The following VWF variants were observed in gnomAD, a reference collection of about 807,000 sequenced individuals.
VWF encodes von Willebrand factor.
A neutral mutation model predicts 308.6 loss-of-function variants in VWF; 176 were observed. The ratio of observed to expected loss-of-function variants is 0.57; its 90% CI spans 0.50 to 0.65. VWF has a LOEUF of 0.65. VWF is among the 30% of genes least tolerant of loss of function. The pLI, the probability that VWF is intolerant of heterozygous loss-of-function variation, is 0.00. For missense variants in VWF, 3,146 were observed against 3,648.2 expected, an observed-to-expected ratio of 0.86 and a Z score of 3.55; for synonymous variants, 1,385 against 1,443.4, an observed-to-expected ratio of 0.96 and a Z score of 0.92.
chr12:6,070,026 T>C (rs886994192), intron 10 of VWF, among the ~76,000 whole-genome samples: 4 of 152,250 alleles, frequency 2.6e-5, no homozygotes, highest in Admixed American at 6.5e-5. Context: ...CCTAATTCCA[T>C]CCACTGTGGC....
chr12:6,047,279 G>A (rs960999061), intron 16 of VWF, among the ~76,000 whole-genome samples: 2 of 152,072 alleles, frequency 1.3e-5, no homozygotes, highest in Non-Finnish European at 2.9e-5. Flanking sequence ...AGCTCGGACC[G>A]CTCCTTTGAA....
In VWF at chr12:6,046,877, C is replaced by T; in HGVS notation, c.2187-60G>A. 2 of 1,463,772 alleles carry T rather than the reference C, an allele frequency of 1.4e-6. No individual in the cohort carries two copies. The highest frequency in any genetic ancestry group is 2.3e-5 in the South Asian group (2 of 86,086). 90.7% of individuals were successfully genotyped at this position (1,463,772 alleles called of 1,614,324 possible). On this transcript the variant is annotated intron_variant, in intron 16 of 51. Coordinates refer to ENST00000261405, the MANE Select transcript of VWF (RefSeq NM_000552.5). The surrounding 1 kb of genome is among the most constrained non-coding windows in gnomAD (Gnocchi z 5.0). ...GACTCGTCTATACTCGCTGCCTCCACATCTTCACCTCCCACTCACTCTCTG... is the reference window on the plus strand; with the variant it reads ...GACTCGTCTATACTCGCTGCCTCCATATCTTCACCTCCCACTCACTCTCTG...
In VWF at chr12:6,063,042, A is replaced by G; in HGVS notation, c.1445T>C (p.Ile482Thr). The G allele has an allele frequency of 6.2e-7, 1 of 1,613,372 alleles. No individual in the cohort carries two copies. Among genetic ancestry groups the G allele is most frequent in the Non-Finnish European group, 8.5e-7 (1 of 1,179,978 alleles). ...QLPLLKGDLR[I>T]QHTVTASVRL... ...CACGGAGGCCGTCACTGTATGCTGGATGCGGAGGTCACCTGGAACCCAGCA... is the reference window on the plus strand; with the variant it reads ...CACGGAGGCCGTCACTGTATGCTGGGTGCGGAGGTCACCTGGAACCCAGCA... The change falls in exon 13 of 52, where the codon ATC becomes ACC. Residue 482 changes from isoleucine to threonine, a missense_variant. Coordinates refer to ENST00000261405, the MANE Select transcript of VWF (RefSeq NM_000552.5). This position sits in a 1 kb window ranked among gnomAD's most constrained non-coding sequence, Gnocchi z 4.9.
At position 5,994,536 on chromosome 12, in the gene VWF, G is replaced by A; in HGVS notation, c.6135C>T (p.Ala2045=). The A allele has an allele frequency of 6.2e-7, 1 of 1,614,018 alleles. No homozygotes were observed. Among genetic ancestry groups the A allele is most frequent in the East Asian group, 2.2e-5 (1 of 44,884 alleles). The change falls in exon 36 of 52, where the codon GCC becomes GCT. Residue 2045 remains alanine, a synonymous_variant. Transcript: ENST00000261405. ...GATTGAATCTGACCTCATGCATGAT[G>A]GCACCATAAACGTTGACTTCCATGT... ...GGNMEVNVYG[A]IMHEVRFNHL...
intron 45 of VWF, among the ~76,000 whole-genome samples, chr12:5,968,669 G>A (rs1385823045): frequency 2.0e-5 from 3 of 152,094 alleles, no homozygotes. Flanking sequence ...GGTGGCGCAC[G>A]CCTGTAATCC....
chr12:6,120,377 A>G (rs566655760), intron 3 of VWF, among the ~76,000 whole-genome samples: 1 of 150,264 alleles, frequency 6.7e-6, no homozygotes, highest in South Asian at 2.1e-4. Context: ...GCTGGAGTGT[A>G]TCTCAGCTTA....
chr12:5,992,983 A>T (rs1943762649), intron 37 of VWF, among the ~76,000 whole-genome samples: 1 of 152,192 alleles, frequency 6.6e-6, no homozygotes, highest in Admixed American at 6.5e-5. Flanking sequence ...CCTACAGGTT[A>T]TCTAGGCCAA....
intron 43 of VWF, among the ~76,000 whole-genome samples, chr12:5,973,702 C>A (rs1211057000): frequency 1.3e-5 from 2 of 152,216 alleles, no homozygotes; most frequent in Non-Finnish European, 2.9e-5. Context: ...CTGAGAAGAA[C>A]AGCCCTCCCT....
At chr12:6,001,563 G>A (rs1284505307) in intron 34 of VWF, among the ~76,000 whole-genome samples, 2 of 152,146 alleles carry the variant, frequency 1.3e-5, no homozygotes, top group East Asian at 3.8e-4. Context: ...TAACAGCTGT[G>A]AATATCTATG....
intron 44 of VWF, among the ~76,000 whole-genome samples, chr12:5,969,717 G>A (rs533814703): frequency 6.6e-6 from 1 of 152,364 alleles, no homozygotes; most frequent in South Asian, 2.1e-4. Flanking sequence ...TGGGCCATCA[G>A]TGGGAAGGTG....
At chr12:6,074,980 C>T (rs560315750) in intron 7 of VWF, among the ~76,000 whole-genome samples, 315 of 152,100 alleles carry the variant, frequency 2.1e-3, no homozygotes, top group African/African-American at 7.2e-3. Flanking sequence ...TCAATTCGGG[C>T]GGGCAGGCGG....
intron 31 of VWF, among the ~76,000 whole-genome samples, chr12:6,013,964 GA>G (rs1565829425): frequency 6.6e-6 from 1 of 151,962 alleles, no homozygotes; most frequent in East Asian, 1.9e-4. Context: ...AAATGCTTAG[GA>G]AAAAAACAAA....
intron 38 of VWF, among the ~76,000 whole-genome samples, chr12:5,990,449 A>T (rs755663191): frequency 3.3e-5 from 5 of 152,176 alleles, no homozygotes; most frequent in Non-Finnish European, 7.3e-5. Flanking sequence ...GTAGTTACTG[A>T]AATGTTGTTT....
chr12:5,997,834 T>C (rs1046967690), intron 34 of VWF, among the ~76,000 whole-genome samples: 8 of 152,210 alleles, frequency 5.3e-5, no homozygotes, highest in Non-Finnish European at 1.0e-4. Context: ...TAATGAGCCA[T>C]ATATATTAAC....
chr12:5,960,210 A>G (rs1023686253), intron 47 of VWF, among the ~76,000 whole-genome samples: 2 of 151,700 alleles, frequency 1.3e-5, no homozygotes, highest in Admixed American at 1.3e-4. Flanking sequence ...ACAGATATTA[A>G]AAGTATAATA....
intron 16 of VWF, among the ~76,000 whole-genome samples, chr12:6,047,141 T>C (rs1158492752): frequency 6.6e-6 from 1 of 152,220 alleles, no homozygotes; most frequent in Non-Finnish European, 1.5e-5. Flanking sequence ...TCAGCTTTCA[T>C]GTGCCCCCAC....
chr12:6,056,602 T>C (rs984069011), intron 15 of VWF, among the ~76,000 whole-genome samples: 3 of 152,130 alleles, frequency 2.0e-5, no homozygotes, highest in African/African-American at 7.2e-5. Flanking sequence ...ACCCCCACGT[T>C]CTAGGCCTCC....
At position 6,064,098 on chromosome 12, in the gene VWF, C is replaced by A. The variant is rs1430531081; in HGVS notation, c.1432+148G>T. The A allele has an allele frequency of 7.6e-6, 10 of 1,313,216 alleles. No homozygotes were observed. The Admixed American group carries it at 8.1e-5, about 11-fold the overall frequency. The allele number at this position is 1,313,216 out of a possible 1,614,324, so 81.3% of individuals were successfully genotyped here. On this transcript the variant is annotated intron_variant, in intron 12 of 51. Coordinates refer to ENST00000261405, the MANE Select transcript of VWF (RefSeq NM_000552.5). ...TCTTGGAGGGATGCATGCCAAGCAC[C>A]CCACCCTGCCCTCCAAAAATAACTC...
intron 6 of VWF, among the ~76,000 whole-genome samples, chr12:6,089,214 T>C (rs574124936): frequency 3.3e-5 from 5 of 152,164 alleles, no homozygotes; most frequent in South Asian, 2.1e-4. Context: ...TAATCACCTC[T>C]TGGGAGACGA....
Sources: gnomAD v4.1 joint callset for allele counts (sites outside exome capture counted in the v4.1 genomes callset) on GRCh38, gnomAD v4.1.1 for gene constraint, Gnocchi (gnomAD v3.1) non-coding constraint, MANE v1.5 for transcripts, NCBI Gene and HGNC (gene_info 2026-07-23, HGNC 2026-07-21) for gene names.